Variants in TBX15 observed in about 807,000 individuals in gnomAD.
TBX15 encodes T-box transcription factor 15.
Under a neutral mutation model 53.9 loss-of-function variants are expected in TBX15, and 18 were observed. That is an observed-to-expected ratio of 0.33 (90% CI 0.23 to 0.49). TBX15 has a LOEUF of 0.49. Among genes scored for constraint, TBX15 ranks in the 20% least tolerant of loss-of-function variants. The probability of loss-of-function intolerance (pLI) is 0.98; values close to 1 mark genes in which losing one functional copy is unlikely to be tolerated. For missense variants in TBX15, 692 were observed against 749.5 expected, an observed-to-expected ratio of 0.92 and a Z score of 0.90; for synonymous variants, 295 against 278.0, an observed-to-expected ratio of 1.06 and a Z score of -0.61.
intron 7 of TBX15, among the ~76,000 whole-genome samples, chr1:118,892,764 G>T (rs1403701419): frequency 6.6e-6 from 1 of 152,034 alleles, no homozygotes; most frequent in Non-Finnish European, 1.5e-5. Context: ...CATTACCCAC[G>T]ACAGCATGAG....
chr1:118,919,663 T>G (rs1030544626), intron 5 of TBX15, among the ~76,000 whole-genome samples: 1 of 152,238 alleles, frequency 6.6e-6, no homozygotes, highest in African/African-American at 2.4e-5. Context: ...TTCATTTCAG[T>G]CATTTGCCAA....
At chr1:118,890,295 A>G (rs146331501) in intron 7 of TBX15, among the ~76,000 whole-genome samples, 142 of 150,676 alleles carry the variant, frequency 9.4e-4, no homozygotes, top group Non-Finnish European at 1.9e-3. Flanking sequence ...CTTTCCTCAA[A>G]TGAAGCAAAG....
chr1:118,912,572 G>T (rs1272896311), intron 6 of TBX15, among the ~76,000 whole-genome samples: 6 of 152,000 alleles, frequency 3.9e-5, no homozygotes, highest in Admixed American at 3.9e-4. Context: ...CTTCATTTTT[G>T]ATCTCCTTAT....
intron 7 of TBX15, among the ~76,000 whole-genome samples, chr1:118,891,662 G>C (rs566601034): frequency 1.3e-5 from 2 of 152,150 alleles, no homozygotes; most frequent in African/African-American, 2.4e-5. Flanking sequence ...TAGGAGAAAG[G>C]TACATGCCTT....
chr1:118,931,743 C>T lies in TBX15; in HGVS notation c.295G>A (p.Ala99Thr). 6.2e-7 allele frequency: 1 copy of T among 1,613,666 alleles called. No individual in the cohort carries two copies. The highest frequency in any genetic ancestry group is 8.5e-7 in the Non-Finnish European group (1 of 1,179,782). ...ATGGCAGCAGGCACAGGGCCTGCAG[C>T]ACCAGAGGCCAGGTCAGTGTGAGTA... The part of the protein sequence containing the change: ...FSTHTDLASG[A>T]AGPVPAAMSS... Residue 99 changes from alanine (A) to threonine (T), a missense_variant, in exon 2 of 8, where the codon GCT (alanine) becomes ACT (threonine). Physicochemically the swap from Ala to Thr is moderately conservative, Grantham distance 58. Around this residue, in one of 3 missense-constraint regions of TBX15, gnomAD observed 307 missense variants for 347.5 expected, o/e 0.88. Coordinates refer to ENST00000369429, the MANE Select transcript of TBX15 (RefSeq NM_001330677.2).
chr1:118,939,407 C>CAAAAAAAAAAAAA lies in TBX15; in HGVS notation c.206-7588_206-7576dup. On this transcript the variant is annotated intron_variant, in intron 1 of 7. Coordinates refer to ENST00000369429, the MANE Select transcript of TBX15 (RefSeq NM_001330677.2). ...AGGGCAACAGAATGAGATCTAGTCT[C>CAAAAAAAAAAAAA]AAAAAAAAAAAAAAAAAAAAAAAAA... Among the ~76,000 whole-genome samples the CAAAAAAAAAAAAA allele has an allele frequency of 3.8e-3, 34 of 8,854 alleles. 4 individuals carry two copies. Among genetic ancestry groups the CAAAAAAAAAAAAA allele is most frequent in the Non-Finnish European group, 5.4e-3 (26 of 4,824 alleles). The allele number at this position is 8,854 out of a possible 152,430, so 5.8% of individuals were successfully genotyped here.
intron 1 of TBX15, among the ~76,000 whole-genome samples, chr1:118,936,519 T>C (rs150693607): frequency 2.6e-5 from 4 of 151,782 alleles, no homozygotes; most frequent in Non-Finnish European, 4.4e-5. Flanking sequence ...ATCTTTACCA[T>C]GGGGGGTGGG....
At chr1:118,896,524 T>G (rs1011079902) in intron 7 of TBX15, among the ~76,000 whole-genome samples, 5 of 152,114 alleles carry the variant, frequency 3.3e-5, no homozygotes, top group Non-Finnish European at 7.4e-5. Context: ...GACTGCTATG[T>G]GACATGACAG....
intron 1 of TBX15, among the ~76,000 whole-genome samples, chr1:118,956,637 G>T (rs113254768): frequency 1.3e-5 from 2 of 152,294 alleles, no homozygotes; most frequent in African/African-American, 2.4e-5. Flanking sequence ...AGAGCTGAAA[G>T]ATATTCATAG....
chr1:118,929,807 A>G (rs984630477), intron 2 of TBX15, among the ~76,000 whole-genome samples: 1 of 152,216 alleles, frequency 6.6e-6, no homozygotes, highest in Admixed American at 6.5e-5. Flanking sequence ...ACAGAGACCC[A>G]AGAGTAATAA....
At chr1:118,941,359 G>A (rs890724731) in intron 1 of TBX15, among the ~76,000 whole-genome samples, 1 of 152,208 alleles carries the variant, frequency 6.6e-6, no homozygotes, top group Admixed American at 6.6e-5. Context: ...TAAACATCAA[G>A]TGTAATTTAA....
chr1:118,927,278 C>T (rs1023253303), intron 2 of TBX15, among the ~76,000 whole-genome samples: 1 of 152,090 alleles, frequency 6.6e-6, no homozygotes, highest in Non-Finnish European at 1.5e-5. Flanking sequence ...CATGTGTGTG[C>T]ATGTGTGTAG....
chr1:118,989,506 C>G (rs1024153344), upstream of TBX15: 3 of 152,188 alleles, frequency 2.0e-5, no homozygotes, highest in African/African-American at 7.2e-5. Flanking sequence ...TCTTCCAGTC[C>G]TAGTGCCCTG....
chr1:118,887,529 G>A (rs566175765), intron 7 of TBX15, among the ~76,000 whole-genome samples: 215 of 152,246 alleles, frequency 1.4e-3, no homozygotes, highest in African/African-American at 4.8e-3. Context: ...ACAAAAATTA[G>A]CTGAGTGTGG....
intron 1 of TBX15, among the ~76,000 whole-genome samples, chr1:118,982,462 C>T (rs1029341847): frequency 6.6e-6 from 1 of 152,194 alleles, no homozygotes; most frequent in Non-Finnish European, 1.5e-5. Context: ...TTTAGGCCTT[C>T]TAAGCCAAAA....
intron 1 of TBX15, among the ~76,000 whole-genome samples, chr1:118,985,739 A>G (rs1657808994): frequency 6.6e-6 from 1 of 152,220 alleles, no homozygotes; most frequent in African/African-American, 2.4e-5. Flanking sequence ...ATGGGAAATG[A>G]CCAACCGAAC....
intron 7 of TBX15, among the ~76,000 whole-genome samples, chr1:118,891,842 T>C (rs1486172503): frequency 6.6e-6 from 1 of 152,208 alleles, no homozygotes; most frequent in Non-Finnish European, 1.5e-5. Context: ...AACTGCCTAT[T>C]TGAGTCATTT....
intron 1 of TBX15, among the ~76,000 whole-genome samples, chr1:118,956,071 C>A (rs1476014682): frequency 1.3e-5 from 2 of 152,150 alleles, no homozygotes; most frequent in Non-Finnish European, 2.9e-5. Flanking sequence ...GGGGACACAG[C>A]TAGAAGGTGC....
intron 6 of TBX15, among the ~76,000 whole-genome samples, chr1:118,912,774 T>C (rs1251838536): frequency 1.3e-5 from 2 of 152,222 alleles, no homozygotes; most frequent in Non-Finnish European, 2.9e-5. Context: ...TGACGGCCTT[T>C]GTCTTGTTAT....
Sources: allele counts gnomAD v4.1 joint callset (sites outside exome capture counted in the v4.1 genomes callset), GRCh38; gene constraint gnomAD v4.1.1; regional missense constraint gnomAD v4.1.1; transcripts MANE v1.5; gene names NCBI Gene and HGNC (gene_info 2026-07-23, HGNC 2026-07-21).